Variants in CSMD1 observed in about 807,000 individuals in gnomAD.
CSMD1 encodes CUB and sushi domain-containing protein 1.
CSMD1 carries 213 observed loss-of-function variants against 417.5 expected under a neutral mutation model. The ratio of observed to expected loss-of-function variants is 0.51; its 90% CI spans 0.46 to 0.57. The LOEUF is 0.57. CSMD1 is among the 20% of genes least tolerant of loss of function. CSMD1 has a pLI of 0.00. For missense variants in CSMD1, 6,923 were observed against 4,529.7 expected (o/e 1.53, Z -15.17); for synonymous variants, 2,862 against 1,736.8 (o/e 1.65, Z -16.11).
At chr8:3,557,411 A>T (rs1165198886) in intron 10 of CSMD1, among the ~76,000 whole-genome samples, 1 of 152,162 alleles carries the variant, frequency 6.6e-6, no homozygotes, top group Non-Finnish European at 1.5e-5. Context: ...GGTCTTCACT[A>T]TTTGCCAAAC....
chr8:3,381,283 G>A (rs561826918), intron 18 of CSMD1, among the ~76,000 whole-genome samples: 8 of 151,680 alleles, frequency 5.3e-5, no homozygotes, highest in Admixed American at 4.6e-4. Flanking sequence ...AAAAAAAAGA[G>A]AGCAGCTTAC....
chr8:4,444,747 AAT>A (rs1423710140), intron 2 of CSMD1, among the ~76,000 whole-genome samples: 1 of 152,178 alleles, frequency 6.6e-6, no homozygotes. Context: ...AAATGATATG[AAT>A]ATGTCTACCT....
chr8:4,698,733 T>C (rs1807302480), intron 1 of CSMD1, among the ~76,000 whole-genome samples: 1 of 142,924 alleles, frequency 7.0e-6, no homozygotes, highest in Non-Finnish European at 1.5e-5. Context: ...CCCTTCCTTC[T>C]TACCTACTAA....
At chr8:4,335,356 T>G (rs566118045) in intron 3 of CSMD1, among the ~76,000 whole-genome samples, 2 of 152,218 alleles carry the variant, frequency 1.3e-5, no homozygotes, top group African/African-American at 4.8e-5. Context: ...AAACATTCAA[T>G]CTATAGGAAT....
At chr8:3,725,013 C>T (rs1481717) in intron 6 of CSMD1, among the ~76,000 whole-genome samples, 129,411 of 152,228 alleles carry the variant, frequency 0.85, 55,204 homozygotes, top group Middle Eastern at 0.93. Context: ...CAGCTATAAA[C>T]GTTATTCTGG....
At chr8:3,188,811 G>A (rs1281553202) in intron 35 of CSMD1, 76 bp downstream of exon 35, 2 of 1,280,146 alleles carry the variant, frequency 1.6e-6, no homozygotes, top group East Asian at 5.5e-5. Context: ...AAGAAACATA[G>A]AACAAAAGAA....
intron 3 of CSMD1, among the ~76,000 whole-genome samples, chr8:4,234,067 T>A (rs565453716): frequency 1.3e-4 from 20 of 152,244 alleles, no homozygotes; most frequent in African/African-American, 4.1e-4. Context: ...AGTCAACCAT[T>A]AACCCCTGCC....
chr8:4,412,268 C>A (rs1198916871), intron 3 of CSMD1, among the ~76,000 whole-genome samples: 1 of 152,214 alleles, frequency 6.6e-6, no homozygotes, highest in Non-Finnish European at 1.5e-5. Flanking sequence ...GGGCAGATTT[C>A]TCATGAATAG....
At chr8:4,833,816 G>A (rs1038611291) in intron 1 of CSMD1, among the ~76,000 whole-genome samples, 3 of 152,192 alleles carry the variant, frequency 2.0e-5, no homozygotes, top group Admixed American at 6.5e-5. Flanking sequence ...CTAAAAGGGA[G>A]ACTTCCAATC....
At chr8:4,849,433 T>A (rs190348945) in intron 1 of CSMD1, among the ~76,000 whole-genome samples, 1 of 152,212 alleles carries the variant, frequency 6.6e-6, no homozygotes, top group Non-Finnish European at 1.5e-5. Context: ...ATACCCTCAG[T>A]GTACAACGGT....
chr8:3,493,847 T>C (rs183558865), intron 10 of CSMD1, 121 bp from the exon 11 acceptor site: 329 of 662,976 alleles, frequency 5.0e-4, no homozygotes, highest in Non-Finnish European at 6.8e-4. Context: ...TGTCAAATGA[T>C]CCCAGAGCTG....
chr8:3,282,484 A>T (rs1027203970), intron 26 of CSMD1, among the ~76,000 whole-genome samples: 1 of 152,224 alleles, frequency 6.6e-6, no homozygotes, highest in Non-Finnish European at 1.5e-5. Context: ...AAGGCCAATG[A>T]ATCACAATTC....
intron 5 of CSMD1, among the ~76,000 whole-genome samples, chr8:3,856,041 T>G (rs887222081): frequency 1.3e-5 from 2 of 152,132 alleles, no homozygotes; most frequent in Non-Finnish European, 2.9e-5. Context: ...AACTTTTATG[T>G]CATTCACATC....
rs414086 is a variant in CSMD1 at position 4,425,413 on chromosome 8, G to C, written c.303-5348C>G. ...AAAAAAAAAATAGAGTCCAACATTA[G>C]TTGACAGGGATGCGGAAGGATGAGT... is the stretch of plus-strand genomic sequence containing the variant. On this transcript the variant is annotated intron_variant, in intron 2 of 69. Transcript: ENST00000635120. Among the ~76,000 whole-genome samples, 225 of 150,228 alleles carry C rather than the reference G, an allele frequency of 1.5e-3. 2 individuals carry two copies. Among genetic ancestry groups the C allele is most frequent in the Non-Finnish European group, 1.4e-3 (94 of 67,706 alleles).
chr8:3,298,458 C>G (rs1431173530), intron 25 of CSMD1, among the ~76,000 whole-genome samples: 1 of 151,452 alleles, frequency 6.6e-6, no homozygotes, highest in African/African-American at 2.4e-5. Flanking sequence ...TGTACAATCT[C>G]TCTCTCTCTT....
intron 26 of CSMD1, among the ~76,000 whole-genome samples, chr8:3,276,533 C>G (rs1349721064): frequency 2.6e-5 from 4 of 152,132 alleles, no homozygotes; most frequent in Admixed American, 2.6e-4. Context: ...ATGAGAACAG[C>G]AGAAGAAAGA....
At chr8:4,184,047 G>C (rs890739369) in intron 3 of CSMD1, among the ~76,000 whole-genome samples, 3 of 152,128 alleles carry the variant, frequency 2.0e-5, no homozygotes, top group East Asian at 1.9e-4. Context: ...GGCAAATTCT[G>C]TTATTATCTA....
At chr8:4,925,721 G>C (rs562996184) in intron 1 of CSMD1, among the ~76,000 whole-genome samples, 63 of 151,976 alleles carry the variant, frequency 4.1e-4, no homozygotes, top group African/African-American at 1.5e-3. Flanking sequence ...TAATTTTTTT[G>C]TATTTTTAGT....
chr8:3,896,642 G>C (rs186081812), intron 5 of CSMD1, among the ~76,000 whole-genome samples: 4 of 152,122 alleles, frequency 2.6e-5, no homozygotes, highest in Admixed American at 2.0e-4. Flanking sequence ...CTCCCGAGTA[G>C]CTGGGACTAC....
Sources: gnomAD v4.1 joint callset for allele counts (sites outside exome capture counted in the v4.1 genomes callset) on GRCh38, gnomAD v4.1.1 for gene constraint, MANE v1.5 for transcripts, NCBI Gene and HGNC (gene_info 2026-07-23, HGNC 2026-07-21) for gene names.